ASIP: variants seen among roughly 807,000 people sequenced by gnomAD.
The protein encoded by ASIP is agouti-signaling protein.
ASIP carries 11 observed loss-of-function variants against 10.3 expected under a neutral mutation model. The ratio of observed to expected loss-of-function variants is 1.07; its 90% CI spans 0.68 to 1.78. The LOEUF (loss-of-function observed/expected upper bound fraction) is 1.78. Ranked by LOEUF, ASIP falls within the 40% of genes most tolerant of loss-of-function variation. The pLI, the probability that ASIP is intolerant of heterozygous loss-of-function variation, is 0.00. For synonymous variants in ASIP, 70 were observed against 70.8 expected (o/e 0.99, Z 0.06); for missense variants, 180 against 169.2 (o/e 1.06, Z -0.35).
chr20:34,268,973 C>A lies in ASIP; in HGVS notation c.223-18C>A, dbSNP rs748304026. 9 of 1,590,510 alleles carry A rather than the reference C, an allele frequency of 5.7e-6. No individual in the cohort carries two copies. In the South Asian group the frequency reaches 1.0e-4, roughly 18 times the overall value. ...GTGGGCGTGGCCGGCTCATAAAGCC[C>A]CGGCGTTTCCCACGCAGAAGGAGGC... is the stretch of plus-strand genomic sequence containing the variant. On this transcript the variant is annotated intron_variant, in intron 3 of 3. Coordinates refer to ENST00000374954, the MANE Select transcript of ASIP (RefSeq NM_001672.3).
intron 1 of ASIP, among the ~76,000 whole-genome samples, chr20:34,202,889 A>T (rs2034909729): frequency 1.4e-5 from 2 of 146,210 alleles, no homozygotes; most frequent in South Asian, 4.3e-4. Context: ...GCTCACTGCA[A>T]GCTCCGCCTC....
At chr20:34,234,210 CTGTT>C (rs138928873) in intron 1 of ASIP, among the ~76,000 whole-genome samples, 3 of 152,326 alleles carry the variant, frequency 2.0e-5, no homozygotes, top group Admixed American at 6.5e-5. Flanking sequence ...GTGATCCAGA[CTGTT>C]TGGTGGCTAC....
rs963476143 is a variant in ASIP at position 34,260,490 on chromosome 20, A to T, written c.116A>T (p.Asn39Ile). Reference protein sequence around the residue: ...KLRDDRSLRSNSSVNLLDVPS... With the variant: ...KLRDDRSLRSISSVNLLDVPS... Reference sequence around the variant, plus strand: ...CGAGATGACAGGAGCCTGAGAAGCAACTCCTCTGTGAACCTACTGGATGTC... The same window carrying T: ...CGAGATGACAGGAGCCTGAGAAGCATCTCCTCTGTGAACCTACTGGATGTC... Residue 39 changes from asparagine to isoleucine, a missense_variant, in exon 2 of 4, where the codon AAC becomes ATC. Coordinates refer to ENST00000374954, the MANE Select transcript of ASIP (RefSeq NM_001672.3). 9 of 1,613,464 alleles carry T rather than the reference A, an allele frequency of 5.6e-6. No individual in the cohort carries two copies. The Admixed American group carries it at 1.0e-4, about 18-fold the overall frequency.
chr20:34,204,310 T>G (rs1391719401), intron 1 of ASIP, among the ~76,000 whole-genome samples: 2 of 151,718 alleles, frequency 1.3e-5, no homozygotes, highest in African/African-American at 4.8e-5. Context: ...AACCTCCGCC[T>G]CGTGGGTTAA....
chr20:34,221,926 A>G (rs532876385), intron 1 of ASIP, among the ~76,000 whole-genome samples: 5 of 152,254 alleles, frequency 3.3e-5, no homozygotes, highest in South Asian at 4.1e-4. Context: ...TCTGGGCAAC[A>G]TGGCAAAACC....
chr20:34,206,560 T>C (rs147062286), intron 1 of ASIP, among the ~76,000 whole-genome samples: 70 of 152,266 alleles, frequency 4.6e-4, no homozygotes, highest in Admixed American at 1.1e-3. Context: ...TGTATACATA[T>C]ACCACTTTTT....
At chr20:34,258,820 CTATATATAGTATTA>C (rs996088339) in intron 1 of ASIP, among the ~76,000 whole-genome samples, 1 of 105,210 alleles carries the variant, frequency 9.5e-6, no homozygotes. Context: ...ATATATAATA[CTATATATAGTATTA>C]TATATATAGT....
At chr20:34,231,590 C>A (rs2035122317) in intron 1 of ASIP, among the ~76,000 whole-genome samples, 1 of 152,136 alleles carries the variant, frequency 6.6e-6, no homozygotes, top group Admixed American at 6.5e-5. Flanking sequence ...AAAATTCAAT[C>A]CTCTGACTGG....
intron 1 of ASIP, among the ~76,000 whole-genome samples, chr20:34,196,169 A>ATTT (rs1265351193): frequency 3.5e-5 from 4 of 113,004 alleles, no homozygotes; most frequent in African/African-American, 1.3e-4. Flanking sequence ...GAAAAGGGAG[A>ATTT]TTTCTTTTTT....
At chr20:34,256,604 C>T (rs2035573502) in intron 1 of ASIP, among the ~76,000 whole-genome samples, 2 of 151,976 alleles carry the variant, frequency 1.3e-5, no homozygotes, top group African/African-American at 4.8e-5. Context: ...TGCCTGGCCT[C>T]TTTTTCTAGC....
At chr20:34,222,439 G>A (rs556349763) in intron 1 of ASIP, among the ~76,000 whole-genome samples, 33 of 152,194 alleles carry the variant, frequency 2.2e-4, no homozygotes, top group African/African-American at 7.7e-4. Context: ...TCATTGCTTC[G>A]AGGGCCGTAT....
At chr20:34,245,040 CAAAG>C (rs1015392744) in intron 1 of ASIP, among the ~76,000 whole-genome samples, 24 of 152,056 alleles carry the variant, frequency 1.6e-4, no homozygotes, top group Admixed American at 9.8e-4. Context: ...AATAAAAAGA[CAAAG>C]AGAGAGTCAG....
At chr20:34,215,828 A>T in intron 1 of ASIP, 1 of 1,466,964 alleles carries the variant, frequency 6.8e-7, no homozygotes. Flanking sequence ...AAAATAGGCC[A>T]GGGCCCTTAG....
upstream of ASIP, among the ~76,000 whole-genome samples, chr20:34,238,981 A>T (rs1010349282): frequency 2.6e-5 from 4 of 152,132 alleles, no homozygotes; most frequent in African/African-American, 9.7e-5. Flanking sequence ...TTGGTTAGGT[A>T]AGGAAACAGA....
At chr20:34,222,181 A>G (rs1478099210) in intron 1 of ASIP, among the ~76,000 whole-genome samples, 1 of 152,196 alleles carries the variant, frequency 6.6e-6, no homozygotes, top group Non-Finnish European at 1.5e-5. Context: ...CTTTAGCTGT[A>G]GGATACCAGC....
upstream of ASIP, among the ~76,000 whole-genome samples, chr20:34,240,841 T>C (rs2035274391): frequency 6.6e-6 from 1 of 152,176 alleles, no homozygotes; most frequent in African/African-American, 2.4e-5. Flanking sequence ...AACCTCAATG[T>C]CAACATCAAT....
At chr20:34,237,663 T>C (rs1268684373), upstream of ASIP, among the ~76,000 whole-genome samples, 1 of 152,180 alleles carries the variant, frequency 6.6e-6, no homozygotes, top group Non-Finnish European at 1.5e-5. Flanking sequence ...GCCTAATTGT[T>C]CTAGGTAGAA....
Position 34,269,188 on chromosome 20 carries a change from G to A in ASIP, c.*21G>A, listed in dbSNP as rs1164741079. On this transcript the variant is annotated 3_prime_UTR_variant, in exon 4 of 4. Coordinates refer to ENST00000374954, the MANE Select transcript of ASIP (RefSeq NM_001672.3). Reference sequence around the variant, plus strand: ...GCTGAGCGCCCCCACTCCCGGCCGCGAGCAGGCAGGGCTTCGGGGACGCGG... The same window carrying A: ...GCTGAGCGCCCCCACTCCCGGCCGCAAGCAGGCAGGGCTTCGGGGACGCGG... 2.7e-6 allele frequency: 4 copies of A among 1,481,768 alleles called. No individual in the cohort carries two copies. Among genetic ancestry groups the A allele is most frequent in the African/African-American group, 2.9e-5 (2 of 68,374 alleles). 91.8% of individuals were successfully genotyped at this position (1,481,768 alleles called of 1,614,324 possible).
intron 1 of ASIP, chr20:34,214,993 A>G: frequency 1.4e-6 from 2 of 1,418,590 alleles, no homozygotes; most frequent in Non-Finnish European, 2.0e-6. Context: ...CGGCTTAGAA[A>G]ATCTGGCCAA....
Sources: gnomAD v4.1 joint callset for allele counts (sites outside exome capture counted in the v4.1 genomes callset) on GRCh38, gnomAD v4.1.1 for gene constraint, MANE v1.5 for transcripts, NCBI Gene and HGNC (gene_info 2026-07-23, HGNC 2026-07-21) for gene names.